Variants in EFHC2 observed in about 807,000 individuals in gnomAD.
EFHC2 encodes EF-hand domain-containing family member C2.
In EFHC2, 18 loss-of-function variants were observed where a neutral mutation model predicts 52.7. The observed-to-expected ratio is 0.34, with a 90% CI of 0.24 to 0.51. The LOEUF (loss-of-function observed/expected upper bound fraction) is 0.51, where lower values mean the gene tolerates loss of function less well. Among genes scored for constraint, EFHC2 ranks in the 20% least tolerant of loss-of-function variants. The pLI is 0.97. For synonymous variants in EFHC2, 203 were observed against 204.1 expected (o/e 0.99, Z 0.04); for missense variants, 513 against 562.5 (o/e 0.91, Z 0.89).
chrX:44,230,714 GA>G (rs577352966), intron 10 of EFHC2, among the ~76,000 whole-genome samples: 292 of 107,838 alleles, frequency 2.7e-3, no homozygotes, highest in African/African-American at 5.4e-3. Flanking sequence ...GTCCTCAAAG[GA>G]AAAAAAAACC....
At chrX:44,207,112 TAGAG>T (rs2037054450) in intron 11 of EFHC2, among the ~76,000 whole-genome samples, 1 of 111,651 alleles carries the variant, frequency 9.0e-6, no homozygotes, top group South Asian at 3.7e-4. Context: ...AAATAAACAA[TAGAG>T]AAAGGACACC....
intron 7 of EFHC2, 131 bp downstream of exon 7, chrX:44,248,141 G>T: frequency 1.8e-6 from 1 of 550,479 alleles, no homozygotes; most frequent in Non-Finnish European, 2.8e-6. Flanking sequence ...ACAAACGGCT[G>T]GAAGATAGCA....
intron 11 of EFHC2, among the ~76,000 whole-genome samples, chrX:44,184,973 G>C (rs1476723685): frequency 2.7e-5 from 3 of 111,520 alleles, no homozygotes; most frequent in Non-Finnish European, 5.6e-5. Context: ...CACATAGTAA[G>C]CTCTCTATAA....
At chrX:44,245,450 A>T (rs765894979) in intron 7 of EFHC2, among the ~76,000 whole-genome samples, 2 of 112,189 alleles carry the variant, frequency 1.8e-5, no homozygotes, top group South Asian at 3.7e-4. Context: ...ACCTGCTGGA[A>T]CCCCTAGAGC....
At chrX:44,197,876 T>C (rs2036977468) in intron 11 of EFHC2, among the ~76,000 whole-genome samples, 1 of 112,162 alleles carries the variant, frequency 8.9e-6, no homozygotes, top group African/African-American at 3.2e-5. Context: ...ATCACAATTC[T>C]CCCTCTGAGG....
In EFHC2 at chrX:44,235,559, T is replaced by G. The variant is rs975256069; in HGVS notation, c.1281-112A>C. 5 of 732,835 alleles carry G rather than the reference T, an allele frequency of 6.8e-6. No homozygotes were observed. The African/African-American group carries it at 1.1e-4, about 16-fold the overall frequency. 60.4% of individuals were successfully genotyped at this position (732,835 alleles called of 1,213,427 possible). ...TGGCTTTAATATAGTAGGCATAAACTGTCCAAAGTGAAAGAGTTCAACCAT... is the reference window on the plus strand; with the variant it reads ...TGGCTTTAATATAGTAGGCATAAACGGTCCAAAGTGAAAGAGTTCAACCAT... On this transcript the variant is annotated intron_variant, in intron 8 of 14. Coordinates refer to ENST00000420999, the MANE Select transcript of EFHC2 (RefSeq NM_025184.4).
chrX:44,208,542 G>A (rs191586193), intron 11 of EFHC2, among the ~76,000 whole-genome samples: 1 of 111,553 alleles, frequency 9.0e-6, no homozygotes, highest in African/African-American at 3.3e-5. Flanking sequence ...TGAGTACTAT[G>A]TTCACTATTT....
intron 14 of EFHC2, among the ~76,000 whole-genome samples, chrX:44,163,693 G>T (rs1368244301): frequency 2.7e-5 from 3 of 111,462 alleles, no homozygotes; most frequent in Admixed American, 9.5e-5. Context: ...TGCGATCGAG[G>T]TTAAAAAAAA....
chrX:44,339,849 G>C (rs927713503), intron 1 of EFHC2, among the ~76,000 whole-genome samples: 2 of 111,499 alleles, frequency 1.8e-5, no homozygotes, highest in African/African-American at 6.5e-5. Context: ...TTTTAACTAA[G>C]TACAAGTTTT....
In EFHC2 at chrX:44,147,977, G is replaced by A. The variant is rs757476676; in HGVS notation, c.*818C>T. ...AACTAGAAAAATGCAGGGGAAAAAT[G>A]TTGTAGTTTCTGAATATTTAAACCT... On this transcript the variant is annotated 3_prime_UTR_variant, in exon 15 of 15. Coordinates refer to ENST00000420999, the MANE Select transcript of EFHC2 (RefSeq NM_025184.4). 2.7e-5 allele frequency: 3 copies of A among 110,374 alleles called. No individual in the cohort carries two copies. The East Asian group carries it at 8.5e-4, about 31-fold the overall frequency. The allele number at this position is 110,374 out of a possible 1,213,427, so 9.1% of individuals were successfully genotyped here. A position where few individuals can be genotyped will look rare whatever the true frequency, so the allele number is the denominator to read the frequency against.
chrX:44,232,652 T>C lies in EFHC2; in HGVS notation c.1449A>G (p.Lys483=). The C allele has an allele frequency of 8.4e-7, 1 of 1,197,518 alleles. No homozygotes were observed. Among genetic ancestry groups the C allele is most frequent in the Non-Finnish European group, 1.1e-6 (1 of 887,959 alleles). The change falls in exon 10 of 15, where the codon AAA becomes AAG. Residue 483 remains lysine, a synonymous_variant. Transcript: ENST00000420999. ...GTCCAGGCTTCTTAACGCGACTTCT[T>C]TTCAAGAACATCCCACCAGCAATTC... The part of the protein sequence containing the change: ...NSGIAGGMFL[K]RSRVKKPGQE...
intron 11 of EFHC2, among the ~76,000 whole-genome samples, chrX:44,194,296 G>C (rs983814648): frequency 2.7e-5 from 3 of 111,398 alleles, no homozygotes; most frequent in Non-Finnish European, 5.6e-5. Flanking sequence ...CTTGGGAGAG[G>C]GTAGTACTGG....
intron 2 of EFHC2, among the ~76,000 whole-genome samples, chrX:44,306,218 G>T: frequency 9.0e-6 from 1 of 111,228 alleles, no homozygotes; most frequent in Non-Finnish European, 1.9e-5. Context: ...GTTTCCTCCT[G>T]TCTCCTTGCC....
At chrX:44,262,042 T>C (rs746120130) in intron 3 of EFHC2, among the ~76,000 whole-genome samples, 2 of 111,246 alleles carry the variant, frequency 1.8e-5, no homozygotes, top group South Asian at 7.7e-4. Context: ...CTGATGCCCA[T>C]TCATTTCTCC....
chrX:44,244,900 C>T (rs950465534), intron 7 of EFHC2, among the ~76,000 whole-genome samples: 7 of 112,259 alleles, frequency 6.2e-5, no homozygotes, highest in South Asian at 3.7e-4. Flanking sequence ...CTAAAGATTA[C>T]GCTTCATTAG....
At chrX:44,159,582 A>C (rs773244909) in intron 14 of EFHC2, among the ~76,000 whole-genome samples, 1 of 112,152 alleles carries the variant, frequency 8.9e-6, no homozygotes, top group Non-Finnish European at 1.9e-5. Flanking sequence ...TTTTATATCT[A>C]TTTTCTTTTC....
chrX:44,227,188 A>T (rs1023073761), intron 11 of EFHC2, among the ~76,000 whole-genome samples: 6 of 111,593 alleles, frequency 5.4e-5, no homozygotes, highest in African/African-American at 2.0e-4. Context: ...ATACACACAC[A>T]CACACAAACA....
chrX:44,253,650 C>T lies in EFHC2; in HGVS notation c.607-3205G>A, dbSNP rs1373638418. Among the ~76,000 whole-genome samples the T allele has an allele frequency of 5.3e-5, 6 of 112,356 alleles. No individual in the cohort carries two copies. The East Asian group carries it at 1.7e-3, about 32-fold the overall frequency. ...ACAGGCTTATAGATAAAACTCCCAT[C>T]TTCCTGGGACACAGAACATGGGGGA... is the stretch of plus-strand genomic sequence containing the variant. On this transcript the variant is annotated intron_variant, in intron 4 of 14. Coordinates refer to ENST00000420999, the MANE Select transcript of EFHC2 (RefSeq NM_025184.4).
intron 14 of EFHC2, among the ~76,000 whole-genome samples, chrX:44,153,967 C>T (rs781003154): frequency 3.6e-5 from 4 of 112,566 alleles, no homozygotes; most frequent in Admixed American, 9.4e-5. Context: ...GGAATAACTG[C>T]GTGGTACTTT....
Sources: gnomAD v4.1 joint callset for allele counts (sites outside exome capture counted in the v4.1 genomes callset) on GRCh38, gnomAD v4.1.1 for gene constraint, MANE v1.5 for transcripts, NCBI Gene and HGNC (gene_info 2026-07-23, HGNC 2026-07-21) for gene names.